THSD7A: variants seen among roughly 807,000 people sequenced by gnomAD.
THSD7A encodes the protein thrombospondin type 1 domain containing 7A.
In THSD7A, 96 loss-of-function variants were observed where a neutral mutation model predicts 231.3. That is an observed-to-expected ratio of 0.41 (90% CI 0.35 to 0.49). THSD7A has a LOEUF of 0.49. Among genes scored for constraint, THSD7A ranks in the 20% least tolerant of loss-of-function variants. The pLI is 0.05. For missense variants in THSD7A, 2,290 were observed against 2,070.2 expected (o/e 1.11, Z -2.06); for synonymous variants, 940 against 743.3 (o/e 1.26, Z -4.30).
At chr7:11,678,309 C>A (rs1312159225) in intron 1 of THSD7A, among the ~76,000 whole-genome samples, 4 of 151,676 alleles carry the variant, frequency 2.6e-5, no homozygotes, top group African/African-American at 9.7e-5. Flanking sequence ...GCAAACAAAT[C>A]CAAAAGGTAG....
chr7:11,425,556 T>G (rs1276384067), intron 15 of THSD7A, among the ~76,000 whole-genome samples: 1 of 152,118 alleles, frequency 6.6e-6, no homozygotes, highest in African/African-American at 2.4e-5. Flanking sequence ...ATGCTTGGTT[T>G]CAGGTTTTTT....
At chr7:11,563,027 A>C (rs1007267388) in intron 4 of THSD7A, among the ~76,000 whole-genome samples, 1 of 152,342 alleles carries the variant, frequency 6.6e-6, no homozygotes, top group East Asian at 1.9e-4. Flanking sequence ...AATTGGCGTC[A>C]AGCAAATAAA....
At chr7:11,468,195 T>C (rs563863628) in intron 9 of THSD7A, among the ~76,000 whole-genome samples, 1 of 152,214 alleles carries the variant, frequency 6.6e-6, no homozygotes, top group African/African-American at 2.4e-5. Context: ...ACATATTCCA[T>C]ATAAACAGAA....
Position 11,424,842 on chromosome 7 carries a change from T to A in THSD7A, c.3250-13A>T. The A allele has an allele frequency of 6.2e-7, 1 of 1,613,804 alleles. No homozygotes were observed. The highest frequency in any genetic ancestry group is 8.5e-7 in the Non-Finnish European group (1 of 1,179,802). ...CAACCTCATACACCTGAAACACACA[T>A]GGTTCTCAGCAATCTCAGGGAATCT... On this transcript the variant is annotated splice_polypyrimidine_tract_variant and intron_variant, in intron 15 of 27. Transcript: ENST00000423059.
intron 1 of THSD7A, among the ~76,000 whole-genome samples, chr7:11,660,367 T>G (rs1782884254): frequency 6.6e-6 from 1 of 151,446 alleles, no homozygotes; most frequent in South Asian, 2.1e-4. Context: ...TTGATATAAA[T>G]TAAATAAAAA....
intron 6 of THSD7A, among the ~76,000 whole-genome samples, chr7:11,513,120 G>A (rs936061323): frequency 5.3e-5 from 8 of 151,362 alleles, no homozygotes; most frequent in African/African-American, 1.9e-4. Flanking sequence ...AGGATGCAAA[G>A]CCATAAGAAT....
chr7:11,672,670 T>A (rs1783440337), intron 1 of THSD7A, among the ~76,000 whole-genome samples: 1 of 152,158 alleles, frequency 6.6e-6, no homozygotes, highest in African/African-American at 2.4e-5. Context: ...ACACACTCAC[T>A]TTTTGGGAGC....
chr7:11,687,631 A>G (rs556597558), intron 1 of THSD7A, among the ~76,000 whole-genome samples: 1 of 152,014 alleles, frequency 6.6e-6, no homozygotes, highest in Non-Finnish European at 1.5e-5. Context: ...TTTCATTTCA[A>G]CTTTTAGTGT....
intron 1 of THSD7A, among the ~76,000 whole-genome samples, chr7:11,825,499 T>G (rs1784999325): frequency 6.6e-6 from 1 of 152,138 alleles, no homozygotes; most frequent in Non-Finnish European, 1.5e-5. Context: ...AAAAGATGCT[T>G]AAGAGAAGGC....
chr7:11,498,976 T>C (rs1254645650), intron 6 of THSD7A, among the ~76,000 whole-genome samples: 2 of 152,206 alleles, frequency 1.3e-5, no homozygotes, highest in Admixed American at 1.3e-4. Flanking sequence ...TCAGCCACCT[T>C]GCACTGGAGT....
intron 4 of THSD7A, among the ~76,000 whole-genome samples, chr7:11,559,450 C>T (rs577991883): frequency 1.4e-3 from 210 of 151,914 alleles, no homozygotes; most frequent in African/African-American, 4.7e-3. Flanking sequence ...ACATTAATTA[C>T]AAACTATATT....
intron 14 of THSD7A, 38 bp from the exon 15 acceptor site, chr7:11,426,709 G>A: frequency 5.8e-6 from 9 of 1,550,328 alleles, no homozygotes; most frequent in Non-Finnish European, 7.8e-6. Flanking sequence ...AAAAGGGAGA[G>A]AAATAAGGTA....
In THSD7A at chr7:11,685,943, A is replaced by G. The variant is rs548775935; in HGVS notation, c.191-48982T>C. 2.6e-4 allele frequency among the ~76,000 whole-genome samples: 39 copies of G among 152,130 alleles called. No individual in the cohort carries two copies. The South Asian group carries it at 7.9e-3, about 31-fold the overall frequency. On this transcript the variant is annotated intron_variant, in intron 1 of 27. Coordinates refer to ENST00000423059, the MANE Select transcript of THSD7A (RefSeq NM_015204.3). ...GCAAGTTTATCACATAAGTATTCAC[A>G]ATAGCAAATACATGGAACCAAACTT...
In THSD7A at chr7:11,418,361, T is replaced by C. The variant is rs150830279; in HGVS notation, c.3384-758A>G. ...TCATGAAGGGCTCCTTATTCATCTT[T>C]TGGGAGTCTAATTAACATGGCTACT... On this transcript the variant is annotated intron_variant, in intron 16 of 27. Transcript: ENST00000423059. Among the ~76,000 whole-genome samples, 183 of 152,320 alleles carry C rather than the reference T, an allele frequency of 1.2e-3. 1 individual carries two copies. In the Middle Eastern group the frequency reaches 0.014, roughly 11 times the overall value.
chr7:11,422,153 A>G (rs970060024), intron 16 of THSD7A, among the ~76,000 whole-genome samples: 4 of 151,822 alleles, frequency 2.6e-5, no homozygotes, highest in African/African-American at 9.7e-5. Flanking sequence ...TAGATTTAAA[A>G]AGCAACAATA....
At chr7:11,719,627 T>A (rs1781276563) in intron 1 of THSD7A, among the ~76,000 whole-genome samples, 1 of 151,642 alleles carries the variant, frequency 6.6e-6, no homozygotes. Flanking sequence ...CAATGAGTTA[T>A]TTTTCTCCTC....
chr7:11,688,835 C>T (rs1780145590), intron 1 of THSD7A, among the ~76,000 whole-genome samples: 1 of 151,734 alleles, frequency 6.6e-6, no homozygotes, highest in African/African-American at 2.4e-5. Context: ...CTTGCATTAT[C>T]TCAGTTAATT....
At chr7:11,584,697 G>A (rs1267110054) in intron 4 of THSD7A, among the ~76,000 whole-genome samples, 2 of 152,100 alleles carry the variant, frequency 1.3e-5, no homozygotes, top group South Asian at 2.1e-4. Context: ...GACTTTTAAA[G>A]TATATACTAT....
At chr7:11,436,779 A>G (rs1225382916) in intron 13 of THSD7A, among the ~76,000 whole-genome samples, 1 of 151,900 alleles carries the variant, frequency 6.6e-6, no homozygotes, top group Non-Finnish European at 1.5e-5. Context: ...TTCTTCCTAC[A>G]TTATTTTATA....
Sources: gnomAD v4.1 joint callset for allele counts (sites outside exome capture counted in the v4.1 genomes callset) on GRCh38, gnomAD v4.1.1 for gene constraint, MANE v1.5 for transcripts, NCBI Gene and HGNC (gene_info 2026-07-23, HGNC 2026-07-21) for gene names.